The following DCDC1 variants were observed in gnomAD, a reference collection of about 807,000 sequenced individuals.
DCDC1 encodes the protein doublecortin domain-containing protein 1.
In DCDC1, 200 loss-of-function variants were observed where a neutral mutation model predicts 178.3. The ratio of observed to expected loss-of-function variants is 1.12; its 90% confidence interval spans 1.00 to 1.26. The LOEUF is 1.26. DCDC1 is among the 50% of genes most tolerant of loss of function. DCDC1 has a pLI of 0.00. For missense variants in DCDC1, 1,983 were observed against 1,749.2 expected (o/e 1.13, Z -2.38); for synonymous variants, 690 against 604.8 (o/e 1.14, Z -2.07).
chr11:31,263,171 T>C (rs1944908592), intron 8 of DCDC1: 4 of 1,240,130 alleles, frequency 3.2e-6, no homozygotes, highest in Admixed American at 2.1e-5. Context: ...CCTTATAGTT[T>C]CAATTCTAGC....
intron 3 of DCDC1, 41 bp downstream of exon 3, chr11:31,328,076 C>T (rs749883314): frequency 6.5e-7 from 1 of 1,543,446 alleles, no homozygotes; most frequent in Non-Finnish European, 8.8e-7. Context: ...ACTTTTATCC[C>T]CTTCAGTATT....
At chr11:31,063,191 T>A (rs573543920) in intron 20 of DCDC1, among the ~76,000 whole-genome samples, 133 of 152,042 alleles carry the variant, frequency 8.7e-4, no homozygotes, top group Non-Finnish European at 1.4e-3. Flanking sequence ...CATTAAAAAG[T>A]CAGGAAACAA....
intron 17 of DCDC1, among the ~76,000 whole-genome samples, chr11:31,090,556 T>G (rs1276890161): frequency 1.3e-5 from 2 of 152,172 alleles, no homozygotes; most frequent in African/African-American, 4.8e-5. Context: ...CTTAGACACT[T>G]TGTTGTTAGA....
intron 11 of DCDC1, among the ~76,000 whole-genome samples, chr11:31,116,183 C>T (rs1191254684): frequency 6.6e-6 from 1 of 151,634 alleles, no homozygotes; most frequent in East Asian, 1.9e-4. Flanking sequence ...TCATAAGGGG[C>T]AGGGAAATCT....
chr11:30,876,332 C>T (rs1444476306), intron 38 of DCDC1, among the ~76,000 whole-genome samples: 1 of 152,158 alleles, frequency 6.6e-6, no homozygotes, highest in Non-Finnish European at 1.5e-5. Context: ...TCCTATATTC[C>T]TTGCTGAAGG....
At chr11:31,221,023 C>A (rs958547501) in intron 9 of DCDC1, among the ~76,000 whole-genome samples, 6 of 152,174 alleles carry the variant, frequency 3.9e-5, no homozygotes, top group Non-Finnish European at 7.3e-5. Context: ...AAAGGCCCTA[C>A]TTCCAAATAT....
At chr11:31,350,238 T>A (rs1951005817) in intron 1 of DCDC1, among the ~76,000 whole-genome samples, 1 of 152,194 alleles carries the variant, frequency 6.6e-6, no homozygotes, top group Admixed American at 6.5e-5. Context: ...AAAAATGTTA[T>A]AACTGGTAGT....
chr11:31,313,132 A>G (rs920228117), intron 3 of DCDC1, among the ~76,000 whole-genome samples: 7 of 152,228 alleles, frequency 4.6e-5, no homozygotes, highest in Admixed American at 2.6e-4. Context: ...TTTCTGTTTT[A>G]CCTATCTGTT....
intron 9 of DCDC1, among the ~76,000 whole-genome samples, chr11:31,149,653 G>A (rs529960668): frequency 3.3e-5 from 5 of 151,850 alleles, no homozygotes; most frequent in East Asian, 1.9e-4. Flanking sequence ...GAGGGTCTGC[G>A]GCTTTATTCC....
At chr11:31,341,426 G>GATACATAGATAGATAC (rs5790857) in intron 1 of DCDC1, among the ~76,000 whole-genome samples, 1 of 151,222 alleles carries the variant, frequency 6.6e-6, no homozygotes, top group African/African-American at 2.4e-5. Context: ...TAGATAGATA[G>GATACATAGATAGATAC]ATAGATAGAT....
intron 18 of DCDC1, among the ~76,000 whole-genome samples, chr11:31,070,694 A>C (rs2135521073): frequency 6.6e-6 from 1 of 152,284 alleles, no homozygotes; most frequent in Non-Finnish European, 1.5e-5. Context: ...ATTCACTCTC[A>C]GGATGCAACT....
Position 30,865,283 on chromosome 11 carries a change from C to G in DCDC1, c.*90G>C, listed in dbSNP as rs1272485029. The G allele has an allele frequency of 6.6e-6, 1 of 152,048 alleles. No individual in the cohort carries two copies. Among genetic ancestry groups the G allele is most frequent in the African/African-American group, 2.4e-5 (1 of 41,402 alleles). 9.4% of individuals were successfully genotyped at this position (152,048 alleles called of 1,614,324 possible). The stretch of plus-strand genomic sequence containing the variant: ...GTCTTCAGCGATGGAAATAATTGGC[C>G]TTCTTGTCACAGTCTTCTGTTTATA... On this transcript the variant is annotated 3_prime_UTR_variant, in exon 39 of 39. Transcript: ENST00000684477.
intron 9 of DCDC1, among the ~76,000 whole-genome samples, chr11:31,148,559 G>A (rs1964742055): frequency 6.6e-6 from 1 of 152,012 alleles, no homozygotes; most frequent in African/African-American, 2.4e-5. Flanking sequence ...TGCTAAGTAA[G>A]TTTTGGAGAA....
intron 20 of DCDC1, among the ~76,000 whole-genome samples, chr11:31,038,230 C>T (rs908054150): frequency 4.0e-5 from 6 of 150,818 alleles, no homozygotes; most frequent in South Asian, 2.1e-4. Flanking sequence ...TATATATATA[C>T]ACACACACAC....
intron 3 of DCDC1, among the ~76,000 whole-genome samples, chr11:31,313,403 T>C (rs1318968987): frequency 2.6e-5 from 4 of 152,220 alleles, no homozygotes; most frequent in East Asian, 1.9e-4. Context: ...AATACCTTTG[T>C]TCCCATTTTC....
At chr11:31,219,347 T>C (rs1459831327) in intron 9 of DCDC1, among the ~76,000 whole-genome samples, 1 of 152,152 alleles carries the variant, frequency 6.6e-6, no homozygotes. Context: ...CTCACAATAC[T>C]TCAACCTAGC....
intron 3 of DCDC1, among the ~76,000 whole-genome samples, chr11:31,314,841 A>G (rs527416677): frequency 3.3e-5 from 5 of 152,282 alleles, no homozygotes; most frequent in South Asian, 2.1e-4. Context: ...CATGATGGTG[A>G]TATCTCATTA....
intron 18 of DCDC1, among the ~76,000 whole-genome samples, chr11:31,065,568 T>C (rs1396012277): frequency 6.6e-6 from 1 of 152,120 alleles, no homozygotes; most frequent in Admixed American, 6.6e-5. Flanking sequence ...ATTGAATGAA[T>C]GAAAGAGCTG....
intron 7 of DCDC1, among the ~76,000 whole-genome samples, chr11:31,269,003 C>T (rs562272725): frequency 6.6e-6 from 1 of 152,320 alleles, no homozygotes; most frequent in South Asian, 2.1e-4. Context: ...AACCTTTGTG[C>T]AAGTTTTAAA....
Sources: gnomAD v4.1 joint callset for allele counts (sites outside exome capture counted in the v4.1 genomes callset) on GRCh38, gnomAD v4.1.1 for gene constraint, MANE v1.5 for transcripts, NCBI Gene and HGNC (gene_info 2026-07-23, HGNC 2026-07-21) for gene names.